ADCK1: variants seen among roughly 807,000 people sequenced by gnomAD.
ADCK1 encodes the protein aarF domain-containing protein kinase 1.
A neutral mutation model predicts 52.3 loss-of-function variants in ADCK1; 41 were observed. The observed-to-expected ratio is 0.78, with a 90% CI of 0.61 to 1.02. The LOEUF is 1.02. ADCK1 is among the 50% of genes least tolerant of loss of function. ADCK1 has a pLI of 0.00. For missense variants in ADCK1, 658 were observed against 679.5 expected (o/e 0.97, Z 0.35); for synonymous variants, 250 against 274.6 (o/e 0.91, Z 0.89).
chr14:77,897,919 A>G (rs1389190573), intron 5 of ADCK1, among the ~76,000 whole-genome samples: 1 of 152,160 alleles, frequency 6.6e-6, no homozygotes, highest in African/African-American at 2.4e-5. Flanking sequence ...CCCAGGGGGA[A>G]TTCTAGCTCG....
chr14:77,837,954 G>A (rs1173572319), intron 3 of ADCK1, among the ~76,000 whole-genome samples: 1 of 152,174 alleles, frequency 6.6e-6, no homozygotes, highest in Non-Finnish European at 1.5e-5. Flanking sequence ...GCGAATTGCT[G>A]GAATAGCAGG....
chr14:77,933,778 G>A lies in ADCK1; in HGVS notation c.*387G>A, dbSNP rs1566749028. On this transcript the variant is annotated 3_prime_UTR_variant, in exon 11 of 11. Transcript: ENST00000238561. ...TTTGTTGGAGGTGCACATGGTCTCT[G>A]AATTTGACAGAGAACACCTTCCCTT... 1 of 189,622 alleles carries A rather than the reference G, an allele frequency of 5.3e-6. No individual in the cohort carries two copies. The highest frequency in any genetic ancestry group is 1.1e-5 in the Non-Finnish European group (1 of 90,822). The allele number at this position is 189,622 out of a possible 1,614,324, so 11.7% of individuals were successfully genotyped here. A position where few individuals can be genotyped will look rare whatever the true frequency, so the allele number is the denominator to read the frequency against.
chr14:77,934,203 G>A lies in ADCK1; in HGVS notation c.*812G>A, dbSNP rs951405199. 6.6e-6 allele frequency: 1 copy of A among 151,856 alleles called. No homozygotes were observed. The highest frequency in any genetic ancestry group is 1.5e-5 in the Non-Finnish European group (1 of 68,046). 9.4% of individuals were successfully genotyped at this position (151,856 alleles called of 1,614,324 possible). ...GAATCGAGTATTGGTGTGATCTTCT[G>A]CTTGGCTTCTTGCTCCTGTAATCCT... On this transcript the variant is annotated 3_prime_UTR_variant, in exon 11 of 11. Coordinates refer to ENST00000238561, the MANE Select transcript of ADCK1 (RefSeq NM_020421.4).
chr14:77,930,942 A>G (rs1328527514), intron 9 of ADCK1, among the ~76,000 whole-genome samples: 2 of 152,174 alleles, frequency 1.3e-5, no homozygotes, highest in African/African-American at 4.8e-5. Context: ...CAGGTAGGTC[A>G]AGGGCTGTGG....
At chr14:77,897,799 C>G (rs1042383541) in intron 5 of ADCK1, among the ~76,000 whole-genome samples, 3 of 152,182 alleles carry the variant, frequency 2.0e-5, no homozygotes, top group African/African-American at 7.2e-5. Context: ...GTTACATTTG[C>G]AGCACCCTCC....
At chr14:77,876,799 G>A (rs940330051) in intron 4 of ADCK1, among the ~76,000 whole-genome samples, 19 of 152,284 alleles carry the variant, frequency 1.2e-4, no homozygotes, top group Admixed American at 3.9e-4. Context: ...TGTGGACTTC[G>A]TCTCCCCAGT....
chr14:77,865,258 C>T (rs988965380), intron 4 of ADCK1, among the ~76,000 whole-genome samples: 1 of 152,194 alleles, frequency 6.6e-6, no homozygotes, highest in Admixed American at 6.5e-5. Flanking sequence ...GCAGGCAGAT[C>T]ACCTGAGGTT....
chr14:77,842,146 C>CATT (rs1240327834), intron 3 of ADCK1, among the ~76,000 whole-genome samples: 1 of 152,054 alleles, frequency 6.6e-6, no homozygotes. Flanking sequence ...ATAATTCTTT[C>CATT]ATTATTATTA....
chr14:77,908,666 C>T (rs527373534), intron 7 of ADCK1, among the ~76,000 whole-genome samples: 3 of 152,332 alleles, frequency 2.0e-5, no homozygotes, highest in African/African-American at 7.2e-5. Context: ...GCTGGCATTA[C>T]AGGTGTGAGC....
At chr14:77,888,952 G>A (rs374086448) in intron 5 of ADCK1, among the ~76,000 whole-genome samples, 5 of 151,764 alleles carry the variant, frequency 3.3e-5, no homozygotes, top group African/African-American at 9.7e-5. Flanking sequence ...CACATGTTGT[G>A]GGGGGGGACC....
In ADCK1 at chr14:77,859,289, T is replaced by A. The variant is rs778016662; in HGVS notation, c.423+10T>A. 3.1e-6 allele frequency: 5 copies of A among 1,610,854 alleles called. No individual in the cohort carries two copies. The East Asian group carries it at 9.0e-5, about 29-fold the overall frequency. The stretch of plus-strand genomic sequence containing the variant: ...AGATCTGGGCAAGGAGGTACCCACC[T>A]TTGCAGGGGGGATGGGCCTTGGTTG... On this transcript the variant is annotated intron_variant, in intron 4 of 10. Coordinates refer to ENST00000238561, the MANE Select transcript of ADCK1 (RefSeq NM_020421.4).
intron 7 of ADCK1, among the ~76,000 whole-genome samples, chr14:77,915,197 T>C (rs75178616): frequency 6.7e-6 from 1 of 149,206 alleles, no homozygotes; most frequent in Non-Finnish European, 1.5e-5. Flanking sequence ...TTTTTTTTTT[T>C]AATACTTTAA....
At chr14:77,818,113 C>G (rs1180616990) in intron 1 of ADCK1, among the ~76,000 whole-genome samples, 1 of 152,188 alleles carries the variant, frequency 6.6e-6, no homozygotes, top group Non-Finnish European at 1.5e-5. Context: ...CTGGCTGCTC[C>G]TGAGTAGCCG....
intron 1 of ADCK1, among the ~76,000 whole-genome samples, chr14:77,804,930 G>C (rs2081187390): frequency 6.6e-6 from 1 of 152,120 alleles, no homozygotes; most frequent in African/African-American, 2.4e-5. Flanking sequence ...GCCAAGGCTG[G>C]GCACGGTGGC....
At chr14:77,863,724 C>G (rs2082602354) in intron 4 of ADCK1, among the ~76,000 whole-genome samples, 1 of 151,902 alleles carries the variant, frequency 6.6e-6, no homozygotes, top group Non-Finnish European at 1.5e-5. Context: ...GTCATCCAAG[C>G]TACTTGGAAG....
intron 4 of ADCK1, 145 bp from the exon 5 acceptor site, chr14:77,886,945 CA>C (rs879854504): frequency 0.023 from 15,393 of 670,014 alleles, 133 homozygotes; most frequent in South Asian, 0.025. Context: ...CACACACGCA[CA>C]ACACACACAC....
chr14:77,893,984 C>T (rs867282826), intron 5 of ADCK1, among the ~76,000 whole-genome samples: 2 of 152,116 alleles, frequency 1.3e-5, no homozygotes, highest in African/African-American at 2.4e-5. Flanking sequence ...CTGTCTGCCT[C>T]GGCCTCCCAA....
chr14:77,910,201 A>G (rs1158309511), intron 7 of ADCK1, among the ~76,000 whole-genome samples: 2 of 152,132 alleles, frequency 1.3e-5, no homozygotes, highest in East Asian at 3.9e-4. Flanking sequence ...CAGCTTTGCC[A>G]ATGCGTGAGC....
intron 1 of ADCK1, among the ~76,000 whole-genome samples, chr14:77,811,993 G>A (rs1329922553): frequency 6.6e-6 from 1 of 152,184 alleles, no homozygotes; most frequent in Non-Finnish European, 1.5e-5. Context: ...TTATTTTCCA[G>A]CTTTATTGAG....
Sources: gnomAD v4.1 joint callset for allele counts (sites outside exome capture counted in the v4.1 genomes callset) on GRCh38, gnomAD v4.1.1 for gene constraint, MANE v1.5 for transcripts, NCBI Gene and HGNC (gene_info 2026-07-23, HGNC 2026-07-21) for gene names.